The following MGMT variants were observed in gnomAD, a reference collection of about 807,000 sequenced individuals.
MGMT encodes the protein O-6-methylguanine-DNA methyltransferase, also known as methylated-DNA--protein-cysteine methyltransferase.
Under a neutral mutation model 15.9 loss-of-function variants are expected in MGMT, and 14 were observed. The ratio of observed to expected loss-of-function variants is 0.88; its 90% CI spans 0.58 to 1.37. MGMT has a LOEUF of 1.37. MGMT is among the 40% of genes most tolerant of loss of function. The probability of loss-of-function intolerance (pLI) is 0.00; values close to 1 mark genes in which losing one functional copy is unlikely to be tolerated. For synonymous variants in MGMT, 130 were observed against 118.2 expected (o/e 1.10, Z -0.65); for missense variants, 282 against 268.1 (o/e 1.05, Z -0.36).
At chr10:129,625,878 C>T (rs145735136) in intron 2 of MGMT, among the ~76,000 whole-genome samples, 1 of 152,282 alleles carries the variant, frequency 6.6e-6, no homozygotes, top group South Asian at 2.1e-4. Flanking sequence ...CTAAATCTTT[C>T]CCATTTCTTT....
At position 129,484,789 on chromosome 10, in the gene MGMT, T is replaced by TACAAA. The variant is rs1845391861; in HGVS notation, c.-13+17493_-13+17494insACAAA. 7.2e-5 allele frequency among the ~76,000 whole-genome samples: 11 copies of TACAAA among 152,300 alleles called. No homozygotes were observed. The East Asian group carries it at 2.1e-3, about 29-fold the overall frequency. On this transcript the variant is annotated intron_variant, in intron 1 of 4. Transcript: ENST00000651593. ...AAATTGTTTGTATCCTTTCAAGGTA[T>TACAAA]CATGCTTTTTTTAAAAAAAGGTTTT...
chr10:129,507,550 C>A (rs560715642), intron 1 of MGMT, among the ~76,000 whole-genome samples: 8 of 152,218 alleles, frequency 5.3e-5, no homozygotes, highest in African/African-American at 1.9e-4. Flanking sequence ...CAGGGGTGCC[C>A]CAGGAGTGAG....
At chr10:129,601,746 G>T (rs868139221) in intron 2 of MGMT, among the ~76,000 whole-genome samples, 4 of 152,174 alleles carry the variant, frequency 2.6e-5, no homozygotes, top group African/African-American at 9.7e-5. Flanking sequence ...TGGGGAGACC[G>T]TCAGGGAAGT....
At chr10:129,621,344 ACT>A (rs535397137) in intron 2 of MGMT, among the ~76,000 whole-genome samples, 16 of 152,166 alleles carry the variant, frequency 1.1e-4, no homozygotes, top group Non-Finnish European at 2.1e-4. Context: ...CATGTTATAG[ACT>A]CTCAAATACA....
At position 129,624,901 on chromosome 10, in the gene MGMT, A is replaced by G. The variant is rs145537538; in HGVS notation, c.126-82994A>G. Among the ~76,000 whole-genome samples the G allele has an allele frequency of 4.9e-3, 746 of 152,340 alleles. 6 individuals carry two copies. The highest frequency in any genetic ancestry group is 0.017 in the African/African-American group (713 of 41,576). On this transcript the variant is annotated intron_variant, in intron 2 of 4. Transcript: ENST00000651593. ...TGACAAAGTAGATATTAAGAAAAGT[A>G]GGAAGGAACAGTAAAAATAAGATCA...
chr10:129,531,724 A>T (rs1042325561), intron 1 of MGMT, among the ~76,000 whole-genome samples: 1 of 138,084 alleles, frequency 7.2e-6, no homozygotes, highest in African/African-American at 2.7e-5. Flanking sequence ...TCAGTGGCAT[A>T]TCAAATTCCA....
intron 2 of MGMT, among the ~76,000 whole-genome samples, chr10:129,591,930 C>T (rs1846691762): frequency 6.6e-6 from 1 of 152,108 alleles, no homozygotes; most frequent in South Asian, 2.1e-4. Flanking sequence ...GACTCCGTCT[C>T]AAAAAATAAA....
intron 4 of MGMT, among the ~76,000 whole-genome samples, chr10:129,760,359 G>T (rs926000390): frequency 2.0e-5 from 3 of 152,240 alleles, no homozygotes; most frequent in African/African-American, 7.2e-5. Flanking sequence ...GTGTGGTCAC[G>T]TTGGCAGTGT....
chr10:129,691,680 G>A (rs1318968911), intron 2 of MGMT, among the ~76,000 whole-genome samples: 1 of 152,144 alleles, frequency 6.6e-6, no homozygotes, highest in East Asian at 1.9e-4. Flanking sequence ...CCGGGAGTGT[G>A]CCTGCCACAT....
At chr10:129,486,298 C>T (rs775330960) in intron 1 of MGMT, among the ~76,000 whole-genome samples, 16 of 151,434 alleles carry the variant, frequency 1.1e-4, no homozygotes, top group Non-Finnish European at 2.4e-4. Context: ...AGCAATTCTC[C>T]TGCCTTAGCC....
chr10:129,745,669 G>A (rs1848686722), intron 3 of MGMT, among the ~76,000 whole-genome samples: 1 of 152,132 alleles, frequency 6.6e-6, no homozygotes, highest in Non-Finnish European at 1.5e-5. Flanking sequence ...GATATGTAAT[G>A]ATATCTCATT....
rs1311470360 is a variant in MGMT at position 129,502,530 on chromosome 10, C to T, written c.-12-33711C>T. 2.0e-5 allele frequency among the ~76,000 whole-genome samples: 3 copies of T among 151,730 alleles called. No individual in the cohort carries two copies. In the East Asian group the frequency reaches 5.8e-4, roughly 29 times the overall value. Reference sequence around the variant, plus strand: ...ATGATCACATAATTGTTTTATTTTGCCTTAAAAAATGAGTAAAAAAAAAAT... The same window carrying T: ...ATGATCACATAATTGTTTTATTTTGTCTTAAAAAATGAGTAAAAAAAAAAT... On this transcript the variant is annotated intron_variant, in intron 1 of 4. Coordinates refer to ENST00000651593, the MANE Select transcript of MGMT (RefSeq NM_002412.5).
intron 1 of MGMT, among the ~76,000 whole-genome samples, chr10:129,523,268 C>T (rs1262705806): frequency 6.6e-6 from 1 of 152,246 alleles, no homozygotes; most frequent in Non-Finnish European, 1.5e-5. Context: ...GCCATCCTGG[C>T]CAGGCCACAC....
intron 1 of MGMT, among the ~76,000 whole-genome samples, chr10:129,483,542 CTGTTTTT>C (rs1460163285): frequency 1.3e-5 from 2 of 152,064 alleles, no homozygotes; most frequent in East Asian, 3.9e-4. Context: ...CTAGGTTGAC[CTGTTTTT>C]TTGCTTTTTA....
intron 2 of MGMT, among the ~76,000 whole-genome samples, chr10:129,679,526 A>G (rs1425939481): frequency 6.6e-6 from 1 of 152,208 alleles, no homozygotes; most frequent in Non-Finnish European, 1.5e-5. Flanking sequence ...AATGTATGTA[A>G]TTAAGAATAT....
intron 2 of MGMT, among the ~76,000 whole-genome samples, chr10:129,564,855 G>C (rs373990968): frequency 2.6e-5 from 4 of 151,904 alleles, no homozygotes; most frequent in Non-Finnish European, 5.9e-5. Flanking sequence ...GCCAGTTCCC[G>C]GGGCAGCCAC....
intron 2 of MGMT, among the ~76,000 whole-genome samples, chr10:129,632,208 A>G (rs1373871908): frequency 6.6e-6 from 1 of 152,214 alleles, no homozygotes. Flanking sequence ...CGGATGTTTC[A>G]TAATTTATTT....
At chr10:129,541,864 C>T (rs1006566771) in intron 2 of MGMT, among the ~76,000 whole-genome samples, 10 of 152,166 alleles carry the variant, frequency 6.6e-5, no homozygotes, top group Admixed American at 6.5e-4. Context: ...GTTTGTGGGT[C>T]TGCTTTTGGC....
intron 3 of MGMT, among the ~76,000 whole-genome samples, chr10:129,709,135 A>G (rs1848201896): frequency 6.6e-6 from 1 of 152,236 alleles, no homozygotes; most frequent in African/African-American, 2.4e-5. Flanking sequence ...AGAAGGGTTC[A>G]GTGGGGATCT....
Sources: gnomAD v4.1 joint callset for allele counts (sites outside exome capture counted in the v4.1 genomes callset) on GRCh38, gnomAD v4.1.1 for gene constraint, MANE v1.5 for transcripts, NCBI Gene and HGNC (gene_info 2026-07-23, HGNC 2026-07-21) for gene names.